The following CRB1 variants were observed in gnomAD, a reference collection of about 807,000 sequenced individuals.
CRB1 encodes the protein crumbs cell polarity complex component 1, also known as protein crumbs homolog 1.
In CRB1, 83 loss-of-function variants were observed where a neutral mutation model predicts 120.0. The ratio of observed to expected loss-of-function variants is 0.69; its 90% CI spans 0.58 to 0.83. CRB1 has a LOEUF of 0.83. Among genes scored for constraint, CRB1 ranks in the 40% least tolerant of loss-of-function variants. The pLI, the probability that CRB1 is intolerant of heterozygous loss-of-function variation, is 0.00. For synonymous variants in CRB1, 625 were observed against 612.5 expected, an observed-to-expected ratio of 1.02 and a Z score of -0.30; for missense variants, 1,699 against 1,687.6, an observed-to-expected ratio of 1.01 and a Z score of -0.12.
Position 197,410,743 on chromosome 1 carries a change from A to G in CRB1, c.1172-10257A>G, listed in dbSNP as rs568576064. ...GGCATATTCTTTACTTAAAATTATGATAGAATCTTAGGACTGGGAGAATCA... is the reference window on the plus strand; with the variant it reads ...GGCATATTCTTTACTTAAAATTATGGTAGAATCTTAGGACTGGGAGAATCA... On this transcript the variant is annotated intron_variant, in intron 5 of 11. Coordinates refer to ENST00000367400, the MANE Select transcript of CRB1 (RefSeq NM_201253.3). Among the ~76,000 whole-genome samples the G allele has an allele frequency of 2.9e-3, 448 of 152,354 alleles. 1 individual carries two copies. The highest frequency in any genetic ancestry group is 4.3e-3 in the Admixed American group (66 of 15,310).
chr1:197,323,632 T>A (rs1658328081), intron 1 of CRB1, among the ~76,000 whole-genome samples: 1 of 152,192 alleles, frequency 6.6e-6, no homozygotes, highest in South Asian at 2.1e-4. Context: ...CTCATTAAAA[T>A]TTTTCATGAT....
At chr1:197,393,350 G>C (rs1662606524) in intron 5 of CRB1, among the ~76,000 whole-genome samples, 1 of 152,058 alleles carries the variant, frequency 6.6e-6, no homozygotes, top group South Asian at 2.1e-4. Flanking sequence ...CTACTATATA[G>C]TAGATGGAAA....
intron 5 of CRB1, among the ~76,000 whole-genome samples, chr1:197,404,297 A>G (rs1052369855): frequency 1.3e-5 from 2 of 152,124 alleles, no homozygotes; most frequent in Non-Finnish European, 2.9e-5. Flanking sequence ...CTTTCCTAAA[A>G]GTAGTGGAAC....
chr1:197,309,524 G>T (rs1657384442), intron 1 of CRB1, among the ~76,000 whole-genome samples: 1 of 152,150 alleles, frequency 6.6e-6, no homozygotes, highest in East Asian at 1.9e-4. Context: ...GGAGGCCGAG[G>T]CGGGCGGATC....
chr1:197,337,991 G>A lies in CRB1; in HGVS notation c.653-6290G>A, dbSNP rs181073214. Among the ~76,000 whole-genome samples the A allele has an allele frequency of 3.5e-3, 526 of 151,744 alleles. 2 individuals are homozygous for A. The highest frequency in any genetic ancestry group is 0.012 in the African/African-American group (506 of 41,426). ...GATTAAAACATAATTATGGAAGTAC[G>A]AAAATATATAATGTTTAATACTGAT... On this transcript the variant is annotated intron_variant, in intron 2 of 11. Transcript: ENST00000367400.
At chr1:197,338,970 GT>G (rs1455677533) in intron 2 of CRB1, among the ~76,000 whole-genome samples, 1 of 152,086 alleles carries the variant, frequency 6.6e-6, no homozygotes, top group Non-Finnish European at 1.5e-5. Context: ...ATGTGAGGGA[GT>G]AAAAAAGGAG....
chr1:197,338,417 A>G (rs1659274511), intron 2 of CRB1, among the ~76,000 whole-genome samples: 1 of 152,190 alleles, frequency 6.6e-6, no homozygotes, highest in African/African-American at 2.4e-5. Context: ...CTGTTCTCCA[A>G]ACAGACAACT....
intron 1 of CRB1, among the ~76,000 whole-genome samples, chr1:197,277,109 T>A (rs992548870): frequency 6.6e-6 from 1 of 151,928 alleles, no homozygotes; most frequent in Non-Finnish European, 1.5e-5. Flanking sequence ...TTTATTTTTT[T>A]AAAAAAAGTT....
In CRB1 at chr1:197,298,550, G is replaced by C. The variant is rs185597054; in HGVS notation, c.71-29872G>C. Among the ~76,000 whole-genome samples the C allele has an allele frequency of 2.6e-4, 39 of 152,200 alleles. No individual in the cohort carries two copies. In the East Asian group the frequency reaches 6.4e-3, roughly 25 times the overall value. Reference sequence around the variant, plus strand: ...AAATGAACAAGTTGATTCTAAAATTGAGGAGAATAACAAAGAATAAAACTG... The same window carrying C: ...AAATGAACAAGTTGATTCTAAAATTCAGGAGAATAACAAAGAATAAAACTG... On this transcript the variant is annotated intron_variant, in intron 1 of 11. Coordinates refer to ENST00000367400, the MANE Select transcript of CRB1 (RefSeq NM_201253.3).
At chr1:197,398,892 TTGTGTGTGTGTGTGTG>T (rs140149936) in intron 5 of CRB1, among the ~76,000 whole-genome samples, 33 of 136,392 alleles carry the variant, frequency 2.4e-4, no homozygotes, top group East Asian at 1.1e-3. Flanking sequence ...CAGGAAATGA[TTGTGTGTGTGTGTGTG>T]TGTGTGTGTG....
the CRB1 span, among the ~76,000 whole-genome samples, chr1:197,205,871 C>T: frequency 6.6e-6 from 1 of 150,688 alleles, no homozygotes; most frequent in Non-Finnish European, 1.5e-5. Context: ...GCGAATCCAT[C>T]TGGTCCTGGA....
chr1:197,397,610 T>C (rs1319233851), intron 5 of CRB1, among the ~76,000 whole-genome samples: 6 of 152,202 alleles, frequency 3.9e-5, no homozygotes, highest in African/African-American at 1.2e-4. Flanking sequence ...CTTCTTGCAA[T>C]TGAATGCTAC....
chr1:197,425,483 A>G (rs1396315418), intron 6 of CRB1, among the ~76,000 whole-genome samples: 2 of 152,206 alleles, frequency 1.3e-5, no homozygotes, highest in Non-Finnish European at 2.9e-5. Flanking sequence ...ACATTTAGAC[A>G]TGCTGAAATA....
chr1:197,299,057 A>G (rs1571793595), intron 1 of CRB1, among the ~76,000 whole-genome samples: 2 of 151,984 alleles, frequency 1.3e-5, no homozygotes, highest in Non-Finnish European at 1.5e-5. Flanking sequence ...AGTAATGTAG[A>G]AAAAAAATCA....
intron 1 of CRB1, among the ~76,000 whole-genome samples, chr1:197,279,901 C>T (rs1225280957): frequency 2.0e-5 from 3 of 150,930 alleles, no homozygotes; most frequent in Non-Finnish European, 3.0e-5. Context: ...ATACAACCAA[C>T]CTCTGTTACC....
the CRB1 span, among the ~76,000 whole-genome samples, chr1:197,232,430 T>G: frequency 6.6e-6 from 1 of 151,834 alleles, no homozygotes; most frequent in African/African-American, 2.4e-5. Flanking sequence ...TCGATGCAGT[T>G]ACAATAAAGA....
chr1:197,361,525 G>C (rs73071645), intron 5 of CRB1, among the ~76,000 whole-genome samples: 1 of 151,824 alleles, frequency 6.6e-6, no homozygotes, highest in African/African-American at 2.4e-5. Context: ...TCGTTGGATG[G>C]AGTATTTCTA....
At chr1:197,368,801 A>T (rs1484223226) in intron 5 of CRB1, among the ~76,000 whole-genome samples, 2 of 152,230 alleles carry the variant, frequency 1.3e-5, no homozygotes, top group Non-Finnish European at 2.9e-5. Context: ...ATGCTGACCA[A>T]TACGTATTAG....
chr1:197,292,314 C>G (rs1015307105), intron 1 of CRB1, among the ~76,000 whole-genome samples: 1 of 152,104 alleles, frequency 6.6e-6, no homozygotes, highest in Non-Finnish European at 1.5e-5. Context: ...ACTAGAAAAT[C>G]TAGAAGAAAT....
Sources: allele counts gnomAD v4.1 joint callset (sites outside exome capture counted in the v4.1 genomes callset), GRCh38; gene constraint gnomAD v4.1.1; transcripts MANE v1.5; gene names NCBI Gene and HGNC (gene_info 2026-07-23, HGNC 2026-07-21).